The following EIF5B variants were observed in gnomAD, a reference collection of about 807,000 sequenced individuals.
EIF5B encodes eukaryotic translation initiation factor 5B, also known as eIF-5B.
A neutral mutation model predicts 147.5 loss-of-function variants in EIF5B; 47 were observed. The ratio of observed to expected loss-of-function variants is 0.32; its 90% CI spans 0.25 to 0.41. The LOEUF (loss-of-function observed/expected upper bound fraction) is 0.41, where lower values mean the gene tolerates loss of function less well. Ranked by LOEUF, EIF5B falls within the 10% of genes least tolerant of loss-of-function variation. The probability of loss-of-function intolerance (pLI) is 1.00; values close to 1 mark genes in which losing one functional copy is unlikely to be tolerated. For synonymous variants in EIF5B, 455 were observed against 456.2 expected, an observed-to-expected ratio of 1.00 and a Z score of 0.03; for missense variants, 1,064 against 1,413.2, an observed-to-expected ratio of 0.75 and a Z score of 3.96.
At position 99,390,871 on chromosome 2, in the gene EIF5B, C is replaced by CA. The variant is rs750524658; in HGVS notation, c.2748+167dup. Among the ~76,000 whole-genome samples, 9 of 152,322 alleles carry CA rather than the reference C, an allele frequency of 5.9e-5. No homozygotes were observed. In the South Asian group the frequency reaches 1.9e-3, roughly 32 times the overall value. On this transcript the variant is annotated intron_variant, in intron 17 of 23. Coordinates refer to ENST00000289371, the MANE Select transcript of EIF5B (RefSeq NM_015904.4). Reference sequence around the variant, plus strand: ...TCATCATACAGGAAGGCCTGTCTGTCAGAGTAGAGATGTGTGAAAGTACCT... The same window carrying CA: ...TCATCATACAGGAAGGCCTGTCTGTCAAGAGTAGAGATGTGTGAAAGTACCT...
intron 1 of EIF5B, among the ~76,000 whole-genome samples, chr2:99,349,277 G>T (rs1424105465): frequency 6.6e-6 from 1 of 152,112 alleles, no homozygotes; most frequent in South Asian, 2.1e-4. Flanking sequence ...TTGGTAAAAA[G>T]GAGTCTTAGA....
Position 99,361,340 on chromosome 2 carries a change from C to G in EIF5B, c.439C>G (p.Pro147Ala). The G allele has an allele frequency of 6.2e-7, 1 of 1,609,994 alleles. No homozygotes were observed. The highest frequency in any genetic ancestry group is 1.7e-5 in the Admixed American group (1 of 59,274). The change falls in exon 4 of 24, where the codon CCT becomes GCT. Residue 147 changes from proline (P) to alanine (A), a missense_variant. Physicochemically the swap from Pro to Ala is conservative, Grantham distance 27. This residue lies in a region of EIF5B where 458 missense variants were observed against 451.3 expected (regional missense o/e 1.01). Coordinates refer to ENST00000289371, the MANE Select transcript of EIF5B (RefSeq NM_015904.4). ...SDDDDDFNKL[P>A]KKAKGKAQKS... ...TGATGATGATGATTTTAACAAACTT[C>G]CTAAAAAAGCTAAAGGGAAAGCTCA...
At chr2:99,338,034 G>T (rs978263836) in intron 1 of EIF5B, among the ~76,000 whole-genome samples, 1 of 152,182 alleles carries the variant, frequency 6.6e-6, no homozygotes, top group Non-Finnish European at 1.5e-5. Context: ...CTCTACTCGC[G>T]GTTTCAGGTA....
intron 9 of EIF5B, among the ~76,000 whole-genome samples, chr2:99,375,966 G>T (rs1674557601): frequency 6.6e-6 from 1 of 152,120 alleles, no homozygotes; most frequent in South Asian, 2.1e-4. Context: ...AGTAAGTATA[G>T]AATGCAAATA....
At chr2:99,372,410 C>T (rs1194172641) in intron 9 of EIF5B, among the ~76,000 whole-genome samples, 1 of 152,336 alleles carries the variant, frequency 6.6e-6, no homozygotes, top group East Asian at 1.9e-4. Flanking sequence ...GCAATCTCGG[C>T]TCACAACAAC....
In EIF5B at chr2:99,399,466, T is replaced by G. The variant is rs1574945719; in HGVS notation, c.*52T>G. The G allele has an allele frequency of 2.6e-6, 4 of 1,540,314 alleles. No homozygotes were observed. The highest frequency in any genetic ancestry group is 1.1e-5 in the South Asian group (1 of 88,608). ...GTAAATGCAATACTGTGTTGTAATATCCCAACAAAAATCAGACAAAAAATG... is the reference window on the plus strand; with the variant it reads ...GTAAATGCAATACTGTGTTGTAATAGCCCAACAAAAATCAGACAAAAAATG... On this transcript the variant is annotated 3_prime_UTR_variant, in exon 24 of 24. Coordinates refer to ENST00000289371, the MANE Select transcript of EIF5B (RefSeq NM_015904.4).
intron 3 of EIF5B, 28 bp downstream of exon 3, chr2:99,360,577 C>T (rs368721938): frequency 6.1e-5 from 97 of 1,591,192 alleles, no homozygotes; most frequent in Non-Finnish European, 7.6e-5. Flanking sequence ...GTTACCTATT[C>T]GTATTTCGTA....
chr2:99,379,293 A>G (rs547069814), intron 11 of EIF5B, 25 bp from the exon 12 acceptor site: 48 of 1,573,026 alleles, frequency 3.1e-5, no homozygotes, highest in African/African-American at 3.0e-4. Flanking sequence ...TCAAATACCA[A>G]TCTGTATTTG....
chr2:99,390,949 C>T (rs1674916468), intron 17 of EIF5B, among the ~76,000 whole-genome samples: 1 of 152,156 alleles, frequency 6.6e-6, no homozygotes, highest in African/African-American at 2.4e-5. Flanking sequence ...TATGGTTCTA[C>T]ACTGCTAAAT....
At chr2:99,376,876 C>T (rs1674578661) in intron 10 of EIF5B, among the ~76,000 whole-genome samples, 1 of 152,124 alleles carries the variant, frequency 6.6e-6, no homozygotes, top group Admixed American at 6.5e-5. Flanking sequence ...CTTGTTTTCT[C>T]CAAATTTTAA....
intron 14 of EIF5B, among the ~76,000 whole-genome samples, chr2:99,386,731 G>A (rs1345235494): frequency 1.3e-5 from 2 of 151,862 alleles, no homozygotes; most frequent in Admixed American, 6.6e-5. Context: ...GGCGGTGTGT[G>A]TGTGTGTTTT....
chr2:99,399,039 C>A, intron 23 of EIF5B, 130 bp downstream of exon 23: 2 of 1,115,780 alleles, frequency 1.8e-6, no homozygotes, highest in Non-Finnish European at 2.5e-6. Flanking sequence ...CCCATTAGGG[C>A]TTGACCTCTA....
chr2:99,361,604 A>G lies in EIF5B; in HGVS notation c.703A>G (p.Lys235Glu). The change falls in exon 4 of 24, where the codon AAG becomes GAG. Residue 235 changes from lysine (K) to glutamate (E), a missense_variant. Coordinates refer to ENST00000289371, the MANE Select transcript of EIF5B (RefSeq NM_015904.4). ...GACAGTGGCCCAAAAGAAGGCAGAA[A>G]AGAAGGAGCGCGAGAGAAAAAAGCG... Reference protein sequence around the residue: ...IKTVAQKKAEKKERERKKRDE... With the variant: ...IKTVAQKKAEEKERERKKRDE... 6.2e-7 allele frequency: 1 copy of G among 1,600,566 alleles called. No homozygotes were observed. The highest frequency in any genetic ancestry group is 8.5e-7 in the Non-Finnish European group (1 of 1,176,914).
In EIF5B at chr2:99,389,845, A is replaced by G; in HGVS notation, c.2399A>G (p.Gln800Arg). Residue 800 changes from glutamine to arginine, a missense_variant, in exon 15 of 24, where the codon CAG (glutamine) becomes CGG (arginine). This residue lies in a region of EIF5B where 380 missense variants were observed against 715.6 expected (regional missense o/e 0.53). Coordinates refer to ENST00000289371, the MANE Select transcript of EIF5B (RefSeq NM_015904.4). ...RAKAIIVEFA[Q>R]QGLNAALFYE... ...AAGGCTATTATTGTAGAATTTGCAC[A>G]GCAGGTAAGAAGGCCTTCCTTCTTT... 6.2e-7 allele frequency: 1 copy of G among 1,607,978 alleles called. No homozygotes were observed. Among genetic ancestry groups the G allele is most frequent in the Non-Finnish European group, 8.5e-7 (1 of 1,178,382 alleles).
chr2:99,380,826 A>G (rs1033967236), intron 12 of EIF5B, among the ~76,000 whole-genome samples: 1 of 152,212 alleles, frequency 6.6e-6, no homozygotes, highest in Non-Finnish European at 1.5e-5. Flanking sequence ...TTTCTAAGGA[A>G]GGAATTAGAA....
intron 5 of EIF5B, 118 bp downstream of exon 5, chr2:99,363,980 T>C: frequency 1.8e-6 from 2 of 1,138,318 alleles, no homozygotes; most frequent in Non-Finnish European, 2.5e-6. Context: ...AATTCAGTTA[T>C]ATTATTGTTC....
chr2:99,376,028 C>CTTTAAAG (rs1559254145), intron 9 of EIF5B, among the ~76,000 whole-genome samples: 3 of 152,194 alleles, frequency 2.0e-5, no homozygotes, highest in Non-Finnish European at 4.4e-5. Context: ...TTATCTCCTC[C>CTTTAAAG]CCTTACTTTA....
rs776359162 is a variant in EIF5B, at chr2:99,376,621, A to C, written c.1827A>C (p.Ala609=). The C allele has an allele frequency of 4.7e-5, 75 of 1,602,044 alleles. No homozygotes were observed. In the Admixed American group the frequency reaches 4.7e-4, roughly 10 times the overall value. ...RTKEERAYDK[A]KRRIEKRRLE... is the part of the protein sequence containing the mutation. Reference sequence around the variant, plus strand: ...AAGAAGAAAGGGCTTATGACAAAGCAAAACGGAGGATTGAGGTATTTATTT... The same window carrying C: ...AAGAAGAAAGGGCTTATGACAAAGCCAAACGGAGGATTGAGGTATTTATTT... Residue 609 remains alanine (A), a synonymous_variant, in exon 10 of 24, where the codon GCA becomes GCC. Transcript: ENST00000289371.
At chr2:99,363,143 T>C (rs550564845) in intron 4 of EIF5B, among the ~76,000 whole-genome samples, 4 of 152,334 alleles carry the variant, frequency 2.6e-5, no homozygotes, top group South Asian at 2.1e-4. Context: ...TTTAATTCTT[T>C]AGAGTTCTTG....
Sources: gnomAD v4.1 joint callset for allele counts (sites outside exome capture counted in the v4.1 genomes callset) on GRCh38, gnomAD v4.1.1 for gene constraint, gnomAD v4.1.1 regional missense constraint, MANE v1.5 for transcripts, NCBI Gene and HGNC (gene_info 2026-07-23, HGNC 2026-07-21) for gene names.